Variants in RPS6KA5 observed in about 807,000 individuals in gnomAD.
RPS6KA5 encodes the protein ribosomal protein S6 kinase A5.
A neutral mutation model predicts 85.5 loss-of-function variants in RPS6KA5; 27 were observed. That is an observed-to-expected ratio of 0.32 (90% confidence interval 0.23 to 0.44). The LOEUF is 0.44. Among genes scored for constraint, RPS6KA5 ranks in the 20% least tolerant of loss-of-function variants. The pLI is 1.00. For missense variants in RPS6KA5, 811 were observed against 980.9 expected (o/e 0.83, Z 2.31); for synonymous variants, 334 against 348.2 (o/e 0.96, Z 0.46).
At chr14:91,013,556 A>T (rs1381065774) in intron 1 of RPS6KA5, among the ~76,000 whole-genome samples, 1 of 151,166 alleles carries the variant, frequency 6.6e-6, no homozygotes, top group Non-Finnish European at 1.5e-5. Flanking sequence ...CAATTAGTGC[A>T]GACAGGCAGA....
chr14:90,983,787 T>TCTCTC (rs2039917681), intron 2 of RPS6KA5, among the ~76,000 whole-genome samples: 1 of 129,334 alleles, frequency 7.7e-6, no homozygotes, highest in East Asian at 2.4e-4. Context: ...CTTTCTTTCT[T>TCTCTC]TCTCTCTCTC....
chr14:90,925,941 C>CAAAAAAA (rs71117389), intron 5 of RPS6KA5, among the ~76,000 whole-genome samples: 23 of 73,482 alleles, frequency 3.1e-4, no homozygotes, highest in South Asian at 5.1e-4. Context: ...GACCCTGACT[C>CAAAAAAA]AAAAAAAAAA....
At chr14:90,963,487 A>AT (rs1352627667) in intron 3 of RPS6KA5, among the ~76,000 whole-genome samples, 1 of 152,130 alleles carries the variant, frequency 6.6e-6, no homozygotes, top group Non-Finnish European at 1.5e-5. Flanking sequence ...TCAAGTGATG[A>AT]TTTTCCAACT....
chr14:91,056,261 T>TA (rs1444377778), intron 1 of RPS6KA5, among the ~76,000 whole-genome samples: 1 of 152,146 alleles, frequency 6.6e-6, no homozygotes, highest in Non-Finnish European at 1.5e-5. Context: ...CTCCTCTTCT[T>TA]AGAGTTTAGT....
Position 90,902,909 on chromosome 14 carries a change from G to T in RPS6KA5, c.1018C>A (p.Arg340=), listed in dbSNP as rs2035257114. Residue 340 remains arginine, a synonymous_variant, in exon 9 of 17, where the codon CGA becomes AGA. Coordinates refer to ENST00000614987, the MANE Select transcript of RPS6KA5 (RefSeq NM_004755.4). ...KVPAPFKPVI[R]DELDVSNFAE... is the part of the protein sequence containing the mutation. ...AAGTTACTCACATCTAATTCATCTC[G>T]AATGACTGGCTTAAATGGTGCAGGC... 6.2e-7 allele frequency: 1 copy of T among 1,613,910 alleles called. No individual in the cohort carries two copies. The highest frequency in any genetic ancestry group is 8.5e-7 in the Non-Finnish European group (1 of 1,179,960).
chr14:90,902,569 T>C (rs2035233969), intron 9 of RPS6KA5, among the ~76,000 whole-genome samples: 1 of 152,180 alleles, frequency 6.6e-6, no homozygotes, highest in Non-Finnish European at 1.5e-5. Context: ...AAAAATAAAA[T>C]TTCAGGTATA....
Position 90,849,663 on chromosome 14 carries a change from G to A in RPS6KA5, c.*22411C>T, listed in dbSNP as rs1035506627. The stretch of plus-strand genomic sequence containing the variant: ...GTGTACGCACACAGGAGAGAGTCGG[G>A]GCTGGTGGGGAGGCAGAGAGAGAGA... On this transcript the variant is annotated 3_prime_UTR_variant, in exon 17 of 17. Coordinates refer to ENST00000614987, the MANE Select transcript of RPS6KA5 (RefSeq NM_004755.4). 3 of 152,370 alleles carry A rather than the reference G, an allele frequency of 2.0e-5. No homozygotes were observed. The highest frequency in any genetic ancestry group is 3.9e-4 in the East Asian group (2 of 5,178). 9.4% of individuals were successfully genotyped at this position (152,370 alleles called of 1,614,324 possible).
intron 14 of RPS6KA5, among the ~76,000 whole-genome samples, chr14:90,883,656 T>C (rs1257649384): frequency 6.6e-6 from 1 of 152,214 alleles, no homozygotes; most frequent in Non-Finnish European, 1.5e-5. Flanking sequence ...TTGATTTATT[T>C]TTTTGAGTGG....
chr14:90,943,805 A>G (rs552599864), intron 4 of RPS6KA5, among the ~76,000 whole-genome samples: 1 of 152,266 alleles, frequency 6.6e-6, no homozygotes, highest in South Asian at 2.1e-4. Context: ...TAAAGGTTGA[A>G]GATCATAGGT....
Position 90,856,252 on chromosome 14 carries a change from T to C in RPS6KA5, c.*15822A>G, listed in dbSNP as rs895837724. ...AGATTTTCCAACCATAACATAACTA[T>C]GCTTCAGAGTTGATGCCAAAGAAAG... On this transcript the variant is annotated 3_prime_UTR_variant, in exon 17 of 17. Coordinates refer to ENST00000614987, the MANE Select transcript of RPS6KA5 (RefSeq NM_004755.4). The C allele has an allele frequency of 3.3e-5, 5 of 152,164 alleles. No individual in the cohort carries two copies. Among genetic ancestry groups the C allele is most frequent in the Non-Finnish European group, 7.3e-5 (5 of 68,042 alleles). The allele number at this position is 152,164 out of a possible 1,614,324, so 9.4% of individuals were successfully genotyped here.
At chr14:90,912,467 C>G (rs1333348857) in intron 7 of RPS6KA5, among the ~76,000 whole-genome samples, 1 of 152,164 alleles carries the variant, frequency 6.6e-6, no homozygotes, top group Non-Finnish European at 1.5e-5. Context: ...CATTGAGTCC[C>G]AGGCAAGTTA....
At chr14:90,903,003 C>A in intron 8 of RPS6KA5, 34 bp from the exon 9 acceptor site, 1 of 1,565,908 alleles carries the variant, frequency 6.4e-7, no homozygotes, top group Non-Finnish European at 8.7e-7. Context: ...AAGTAGAAAT[C>A]AATAGTCAAA....
intron 3 of RPS6KA5, among the ~76,000 whole-genome samples, chr14:90,953,093 G>A (rs1372289950): frequency 4.6e-5 from 7 of 152,202 alleles, no homozygotes; most frequent in African/African-American, 9.6e-5. Context: ...TAAAAAGAAA[G>A]GGAGAGATGT....
intron 2 of RPS6KA5, among the ~76,000 whole-genome samples, chr14:90,989,052 C>T (rs2040191429): frequency 6.6e-6 from 1 of 152,022 alleles, no homozygotes; most frequent in African/African-American, 2.4e-5. Context: ...AATAAATAAT[C>T]TCTTCTTATG....
intron 3 of RPS6KA5, among the ~76,000 whole-genome samples, chr14:90,977,001 T>C (rs1157248533): frequency 6.6e-6 from 1 of 152,126 alleles, no homozygotes; most frequent in Non-Finnish European, 1.5e-5. Flanking sequence ...AAGACAGACA[T>C]TGGAATGATT....
chr14:90,966,480 T>C (rs1469674557), intron 3 of RPS6KA5, among the ~76,000 whole-genome samples: 1 of 152,166 alleles, frequency 6.6e-6, no homozygotes, highest in Non-Finnish European at 1.5e-5. Context: ...ACAAAATTCC[T>C]AAAGACATAA....
intron 1 of RPS6KA5, among the ~76,000 whole-genome samples, chr14:91,044,369 GAAAGAAGGAA>G (rs1399313062): frequency 0.19 from 3,728 of 20,064 alleles, 133 homozygotes; most frequent in East Asian, 0.49. Context: ...GAAAGAGAAA[GAAAGAAGGAA>G]AGAAAGAAAG....
chr14:91,020,635 TG>T (rs1339557178), intron 1 of RPS6KA5, among the ~76,000 whole-genome samples: 1 of 150,812 alleles, frequency 6.6e-6, no homozygotes, highest in Non-Finnish European at 1.5e-5. Flanking sequence ...TGTGTGTGTG[TG>T]TGTGTGTGTG....
intron 7 of RPS6KA5, among the ~76,000 whole-genome samples, chr14:90,919,779 C>G (rs868348806): frequency 1.3e-5 from 2 of 152,062 alleles, no homozygotes; most frequent in African/African-American, 4.8e-5. Flanking sequence ...GATAATTTTA[C>G]GATATTTGTT....
Sources: gnomAD v4.1 joint callset for allele counts (sites outside exome capture counted in the v4.1 genomes callset) on GRCh38, gnomAD v4.1.1 for gene constraint, MANE v1.5 for transcripts, NCBI Gene and HGNC (gene_info 2026-07-23, HGNC 2026-07-21) for gene names.